ATP13A2: variants seen among roughly 807,000 people sequenced by gnomAD.
The protein encoded by ATP13A2 is polyamine-transporting ATPase 13A2.
A neutral mutation model predicts 138.3 loss-of-function variants in ATP13A2; 83 were observed. The ratio of observed to expected loss-of-function variants is 0.60; its 90% CI spans 0.50 to 0.72. The LOEUF (loss-of-function observed/expected upper bound fraction) is 0.72. Ranked by LOEUF, ATP13A2 falls within the 30% of genes least tolerant of loss-of-function variation. ATP13A2 has a pLI of 0.00. For missense variants in ATP13A2, 1,402 were observed against 1,606.4 expected, an observed-to-expected ratio of 0.87 and a Z score of 2.17; for synonymous variants, 663 against 699.0, an observed-to-expected ratio of 0.95 and a Z score of 0.81.
At position 17,008,920 on chromosome 1, in the gene ATP13A2, C is replaced by T. The variant is rs560404200; in HGVS notation, c.10+2809G>A. Among the ~76,000 whole-genome samples the T allele has an allele frequency of 6.8e-5, 10 of 147,668 alleles. No homozygotes were observed. In the South Asian group the frequency reaches 1.1e-3, roughly 16 times the overall value. On this transcript the variant is annotated intron_variant, in intron 1 of 28. Coordinates refer to ENST00000326735, the MANE Select transcript of ATP13A2 (RefSeq NM_022089.4). ...TGGAGCTTGCAGTGAGCTGAGATCA[C>T]GCCACTGCACTCCAGCCAGGGTGAC...
At position 17,005,374 on chromosome 1, in the gene ATP13A2, C is replaced by T. The variant is rs756666487; in HGVS notation, c.288G>A (p.Glu96=). 1 of 1,596,342 alleles carries T rather than the reference C, an allele frequency of 6.3e-7. No individual in the cohort carries two copies. The change falls in exon 3 of 29, where the codon GAG becomes GAA. Residue 96 remains glutamate (E), a splice_region_variant and synonymous_variant. Transcript: ENST00000326735. The part of the protein sequence containing the change: ...ETLVIEIRDK[E]DSSWQLFTVQ... ...GCCCCAGGCTCAGCCTGACTCTCAC[C>T]TCTTTGTCTCTTATTTCGATAACGA...
Position 16,987,096 on chromosome 1 carries a change from C to T in ATP13A2, c.3033G>A (p.Leu1011=). 1.2e-6 allele frequency: 2 copies of T among 1,613,454 alleles called. No individual in the cohort carries two copies. The highest frequency in any genetic ancestry group is 1.7e-6 in the Non-Finnish European group (2 of 1,179,960). The part of the protein sequence containing the change: ...VLSSLLLQMV[L]VTGVQLGGYF... ...AGCCCCCTAGCTGCACGCCGGTCAC[C>T]AGGACCATCTGCAGCAGCAGGCTGC... Residue 1011 remains leucine, a synonymous_variant, in exon 26 of 29, where the codon CTG becomes CTA. Coordinates refer to ENST00000326735, the MANE Select transcript of ATP13A2 (RefSeq NM_022089.4).
chr1:17,010,814 C>T (rs1194571174), intron 1 of ATP13A2, among the ~76,000 whole-genome samples: 1 of 152,148 alleles, frequency 6.6e-6, no homozygotes, highest in Non-Finnish European at 1.5e-5. Flanking sequence ...CTCTTATTTC[C>T]TGCGGAAGCC....
chr1:17,011,901 C>T lies in ATP13A2; in HGVS notation c.-163G>A, dbSNP rs2101440320. The T allele has an allele frequency of 5.3e-6, 3 of 564,548 alleles. No individual in the cohort carries two copies. The highest frequency in any genetic ancestry group is 2.6e-4 in the East Asian group (2 of 7,658). The allele number at this position is 564,548 out of a possible 1,614,324, so 35.0% of individuals were successfully genotyped here. A position where few individuals can be genotyped will look rare whatever the true frequency, so the allele number is the denominator to read the frequency against. On this transcript the variant is annotated 5_prime_UTR_variant, in exon 1 of 29. Coordinates refer to ENST00000326735, the MANE Select transcript of ATP13A2 (RefSeq NM_022089.4). This position sits in a 1 kb window ranked among gnomAD's most constrained non-coding sequence, Gnocchi z 7.3. ...GGCTGACGCGGGCGGGGCACCTGGG[C>T]CACCAGGCTCGGCGCGGCTCCGACA... is the stretch of plus-strand genomic sequence containing the variant.
chr1:17,004,951 TG>T lies in ATP13A2; in HGVS notation c.347+62del, dbSNP rs1220058174. On this transcript the variant is annotated intron_variant, in intron 4 of 28. Transcript: ENST00000326735. The surrounding 1 kb of genome is among the most constrained non-coding windows in gnomAD (Gnocchi z 4.1). ...CAGCCTTTATGGGGGGGCCGAGGGT[TG>T]GGGAAGTTGGGGAGGCCAGGGTAGC... The T allele has an allele frequency of 1.2e-6, 2 of 1,610,942 alleles. No individual in the cohort carries two copies. Among genetic ancestry groups the T allele is most frequent in the Non-Finnish European group, 1.7e-6 (2 of 1,178,738 alleles).
chr1:16,988,011 G>A, intron 25 of ATP13A2, 127 bp downstream of exon 25: 1 of 893,730 alleles, frequency 1.1e-6, no homozygotes, highest in Non-Finnish European at 1.8e-6. Context: ...CACACAGCCG[G>A]AGAGTGGCAG....
chr1:17,004,935 T>A lies in ATP13A2; in HGVS notation c.347+79A>T. The A allele has an allele frequency of 1.2e-6, 2 of 1,608,336 alleles. No homozygotes were observed. Among genetic ancestry groups the A allele is most frequent in the Non-Finnish European group, 1.7e-6 (2 of 1,176,684 alleles). ...TGGGAGGCGCCAGAGTCAGCCTTTATGGGGGGGCCGAGGGTTGGGGAAGTT... is the reference window on the plus strand; with the variant it reads ...TGGGAGGCGCCAGAGTCAGCCTTTAAGGGGGGGCCGAGGGTTGGGGAAGTT... On this transcript the variant is annotated intron_variant, in intron 4 of 28. Coordinates refer to ENST00000326735, the MANE Select transcript of ATP13A2 (RefSeq NM_022089.4). This position sits in a 1 kb window ranked among gnomAD's most constrained non-coding sequence, Gnocchi z 4.1.
rs541250553 is a variant in ATP13A2 at position 16,995,699 on chromosome 1, G to A, written c.1542+277C>T. On this transcript the variant is annotated intron_variant, in intron 15 of 28. Transcript: ENST00000326735. This position sits in a 1 kb window ranked among gnomAD's most constrained non-coding sequence, Gnocchi z 4.1. ...GACCTCAAGTGATGTATCTGCCTCA[G>A]CCTCCCAAAGTGCTGGGATTACAGA... 1 of 508,554 alleles carries A rather than the reference G, an allele frequency of 2.0e-6. No individual in the cohort carries two copies. The highest frequency in any genetic ancestry group is 3.7e-6 in the Non-Finnish European group (1 of 273,796). The allele number at this position is 508,554 out of a possible 1,614,324, so 31.5% of individuals were successfully genotyped here. A position where few individuals can be genotyped will look rare whatever the true frequency, so the allele number is the denominator to read the frequency against.
intron 11 of ATP13A2, among the ~76,000 whole-genome samples, chr1:16,999,380 C>CAAA (rs67969184): frequency 8.6e-4 from 48 of 56,048 alleles, no homozygotes; most frequent in Admixed American, 1.4e-3. Flanking sequence ...AACTCCATCT[C>CAAA]AAAAAAAAAA....
At chr1:16,990,395 C>A in intron 20 of ATP13A2, 108 bp from the exon 21 acceptor site, 4 of 1,426,110 alleles carry the variant, frequency 2.8e-6, no homozygotes, top group Non-Finnish European at 3.9e-6. Flanking sequence ...TCTGCCACCA[C>A]CAGCCAAGTG....
At position 17,011,728 on chromosome 1, in the gene ATP13A2, C is replaced by T. The variant is rs2077804908; in HGVS notation, c.10+1G>A. On this transcript the variant is annotated splice_donor_variant, in intron 1 of 28. Transcript: ENST00000326735. LOFTEE classifies it high-confidence loss of function. This position sits in a 1 kb window ranked among gnomAD's most constrained non-coding sequence, Gnocchi z 7.3. ...GGGGCCGACCCGGACTCCGCACTCA[C>T]CTGCGCTCATGCCGGCTCCTCGCGC... 3.4e-6 allele frequency: 5 copies of T among 1,480,088 alleles called. No homozygotes were observed. The highest frequency in any genetic ancestry group is 3.6e-6 in the Non-Finnish European group (4 of 1,121,604). The allele number at this position is 1,480,088 out of a possible 1,614,324, so 91.7% of individuals were successfully genotyped here. A position where few individuals can be genotyped will look rare whatever the true frequency, so the allele number is the denominator to read the frequency against.
intron 25 of ATP13A2, 31 bp downstream of exon 25, chr1:16,988,107 G>A: frequency 6.3e-7 from 1 of 1,596,548 alleles, no homozygotes; most frequent in Non-Finnish European, 8.6e-7. Flanking sequence ...TCCTGGGACG[G>A]CTCTGGGTAC....
Position 16,992,417 on chromosome 1 carries a change from A to G in ATP13A2, c.1846-15T>C. On this transcript the variant is annotated splice_polypyrimidine_tract_variant and intron_variant, in intron 17 of 28. Transcript: ENST00000326735. ...GGGGGCTCCTCCTGCAGGGTTGGAG[A>G]GGCAGCTGAGGTGCTGGCTGGGGAG... 6.2e-7 allele frequency: 1 copy of G among 1,613,526 alleles called. No homozygotes were observed.
rs1448555491 is a variant in ATP13A2 at position 16,986,416 on chromosome 1, C to G, written c.3405+47G>C. On this transcript the variant is annotated intron_variant, in intron 28 of 28. Transcript: ENST00000326735. The surrounding 1 kb of genome is among the most constrained non-coding windows in gnomAD (Gnocchi z 6.9). The stretch of plus-strand genomic sequence containing the variant: ...CGGGGCTGAGCTGGGGTCAATGCAC[C>G]CCCACCTCCCTTCTCTCCCGCTGCT... 1 of 1,604,842 alleles carries G rather than the reference C, an allele frequency of 6.2e-7. No individual in the cohort carries two copies. The highest frequency in any genetic ancestry group is 1.3e-5 in the African/African-American group (1 of 74,742).
intron 6 of ATP13A2, 73 bp from the exon 7 acceptor site, chr1:17,002,446 G>A: frequency 1.3e-6 from 2 of 1,527,350 alleles, no homozygotes; most frequent in Admixed American, 1.9e-5. Flanking sequence ...TGTGCAGGCT[G>A]GAGACTATGG....
intron 23 of ATP13A2, 21 bp from the exon 24 acceptor site, chr1:16,988,495 G>A (rs2076814761): frequency 1.9e-6 from 3 of 1,613,478 alleles, no homozygotes; most frequent in Non-Finnish European, 1.7e-6. Flanking sequence ...GTGTGGACAG[G>A]TGTGGCCTGG....
In ATP13A2 at chr1:16,996,320, C is replaced by T. The variant is rs1161484444; in HGVS notation, c.1307-20G>A. The T allele has an allele frequency of 1.2e-6, 2 of 1,614,006 alleles. No individual in the cohort carries two copies. The highest frequency in any genetic ancestry group is 2.2e-5 in the South Asian group (2 of 91,066). On this transcript the variant is annotated intron_variant, in intron 13 of 28. Transcript: ENST00000326735. ...GGAGAGCTGTGGGGACAGCGAAGGA[C>T]TGAGTGGGATTTGGGACCCAGGTGG...
In ATP13A2 at chr1:16,993,718, C is replaced by T; in HGVS notation, c.1660G>A (p.Ala554Thr). Residue 554 changes from alanine (A) to threonine (T), a missense_variant, in exon 16 of 29, where the codon GCA (alanine) becomes ACA (threonine). Transcript: ENST00000326735. ...RRLPVGPLLR[A>T]LATCHALSRL... is the part of the protein sequence containing the mutation. ...CTGAGGGCATGGCAGGTGGCCAGTGCTCGGAGCAGGGGCCCCACAGGCAGG... is the reference window on the plus strand; with the variant it reads ...CTGAGGGCATGGCAGGTGGCCAGTGTTCGGAGCAGGGGCCCCACAGGCAGG... 1 of 1,593,696 alleles carries T rather than the reference C, an allele frequency of 6.3e-7. No individual in the cohort carries two copies. Among genetic ancestry groups the T allele is most frequent in the South Asian group, 1.1e-5 (1 of 88,004 alleles).
At chr1:17,005,650 T>G (rs985727380) in intron 2 of ATP13A2, 34 bp downstream of exon 2, 3 of 1,613,056 alleles carry the variant, frequency 1.9e-6, no homozygotes, top group Non-Finnish European at 2.5e-6. Flanking sequence ...ATTCACCCCC[T>G]GCAGCTTTTC....
Sources: gnomAD v4.1 joint callset for allele counts (sites outside exome capture counted in the v4.1 genomes callset) on GRCh38, gnomAD v4.1.1 for gene constraint, Gnocchi (gnomAD v3.1) non-coding constraint, MANE v1.5 for transcripts, NCBI Gene and HGNC (gene_info 2026-07-23, HGNC 2026-07-21) for gene names.